Variants in LRMDA observed in about 807,000 individuals in gnomAD.
LRMDA encodes the protein leucine-rich melanocyte differentiation-associated protein.
In LRMDA, 18 loss-of-function variants were observed where a neutral mutation model predicts 29.8. The observed-to-expected ratio is 0.60, with a 90% CI of 0.42 to 0.90. LRMDA has a LOEUF of 0.90. LRMDA is among the 40% of genes least tolerant of loss of function. The pLI is 0.00. For missense variants in LRMDA, 273 were observed against 273.9 expected, an observed-to-expected ratio of 1.00 and a Z score of 0.02; for synonymous variants, 125 against 109.4, an observed-to-expected ratio of 1.14 and a Z score of -0.89.
intron 2 of LRMDA, among the ~76,000 whole-genome samples, chr10:75,958,455 C>T (rs995735127): frequency 6.6e-6 from 1 of 152,046 alleles, no homozygotes; most frequent in Non-Finnish European, 1.5e-5. Context: ...TTGATCATTG[C>T]AGGCATTTGT....
intron 2 of LRMDA, among the ~76,000 whole-genome samples, chr10:75,548,564 C>G (rs1422292618): frequency 6.6e-6 from 1 of 152,180 alleles, no homozygotes; most frequent in Non-Finnish European, 1.5e-5. Flanking sequence ...ATTTTCAGCA[C>G]AGGAGCCCCA....
chr10:75,579,599 C>T (rs1385437661), intron 2 of LRMDA, among the ~76,000 whole-genome samples: 2 of 152,176 alleles, frequency 1.3e-5, no homozygotes, highest in Admixed American at 6.5e-5. Context: ...CATACCAAAA[C>T]CTGGCAGAGA....
At chr10:76,049,985 G>T (rs1206573043) in intron 4 of LRMDA, among the ~76,000 whole-genome samples, 2 of 152,170 alleles carry the variant, frequency 1.3e-5, no homozygotes, top group Non-Finnish European at 2.9e-5. Context: ...AATACTAGGA[G>T]CCTTAAAGGA....
At position 75,676,974 on chromosome 10, in the gene LRMDA, A is replaced by T. The variant is rs535016453; in HGVS notation, c.131+238480A>T. 1.6e-3 allele frequency among the ~76,000 whole-genome samples: 248 copies of T among 152,264 alleles called. 1 individual carries two copies. The highest frequency in any genetic ancestry group is 2.7e-3 in the Non-Finnish European group (185 of 68,016). ...GGTACCACCAGGTCTACCCTTACTAATATTTTAATATTTATGGCATTAAAG... is the reference window on the plus strand; with the variant it reads ...GGTACCACCAGGTCTACCCTTACTATTATTTTAATATTTATGGCATTAAAG... On this transcript the variant is annotated intron_variant, in intron 2 of 6. Coordinates refer to ENST00000611255, the MANE Select transcript of LRMDA (RefSeq NM_001305581.2).
chr10:76,224,056 G>A (rs1001872081), intron 5 of LRMDA, among the ~76,000 whole-genome samples: 2 of 152,142 alleles, frequency 1.3e-5, no homozygotes. Context: ...AGTTGTGGCT[G>A]TGCCTCAGTA....
At chr10:76,392,162 C>G (rs10509372) in intron 6 of LRMDA, among the ~76,000 whole-genome samples, 19,740 of 151,846 alleles carry the variant, frequency 0.13, 2,476 homozygotes, top group African/African-American at 0.33. Context: ...TGATAATTTG[C>G]ATTAATATAT....
chr10:75,652,429 A>C (rs1841611501), intron 2 of LRMDA, among the ~76,000 whole-genome samples: 1 of 152,262 alleles, frequency 6.6e-6, no homozygotes, highest in Non-Finnish European at 1.5e-5. Context: ...GTCAGGGCAG[A>C]TAAACTTAGT....
intron 5 of LRMDA, among the ~76,000 whole-genome samples, chr10:76,220,878 T>C (rs1186858545): frequency 6.6e-6 from 1 of 152,096 alleles, no homozygotes; most frequent in Non-Finnish European, 1.5e-5. Context: ...CTCAATAAAA[T>C]ACTGGCAAAC....
intron 2 of LRMDA, among the ~76,000 whole-genome samples, chr10:75,508,165 G>A (rs1466362750): frequency 6.6e-6 from 1 of 152,200 alleles, no homozygotes; most frequent in Non-Finnish European, 1.5e-5. Context: ...GCTCAGTAGT[G>A]TGAATTTATT....
chr10:75,827,142 T>C (rs887818249), intron 2 of LRMDA, among the ~76,000 whole-genome samples: 1 of 152,214 alleles, frequency 6.6e-6, no homozygotes, highest in African/African-American at 2.4e-5. Context: ...AATGTGATGA[T>C]TGCACATCGC....
chr10:75,922,375 G>A (rs1337326533), intron 2 of LRMDA, among the ~76,000 whole-genome samples: 1 of 152,188 alleles, frequency 6.6e-6, no homozygotes, highest in Non-Finnish European at 1.5e-5. Flanking sequence ...TTGCTTGATG[G>A]ACCATGGGCA....
chr10:76,452,992 A>T (rs1246423488), intron 6 of LRMDA, among the ~76,000 whole-genome samples: 2 of 152,222 alleles, frequency 1.3e-5, no homozygotes, highest in Non-Finnish European at 2.9e-5. Context: ...TAAGACTTCA[A>T]CAGTCATAGG....
intron 5 of LRMDA, among the ~76,000 whole-genome samples, chr10:76,138,535 A>G (rs954805653): frequency 5.3e-5 from 8 of 152,192 alleles, no homozygotes; most frequent in African/African-American, 1.7e-4. Flanking sequence ...ACCTTAAGTT[A>G]TATCTTAAAG....
intron 2 of LRMDA, among the ~76,000 whole-genome samples, chr10:75,946,507 G>T (rs1846478806): frequency 6.6e-6 from 1 of 152,174 alleles, no homozygotes; most frequent in South Asian, 2.1e-4. Context: ...GAAGAATAAT[G>T]CCAGATTCAT....
chr10:76,418,963 G>A (rs1842046531), intron 6 of LRMDA, among the ~76,000 whole-genome samples: 1 of 151,958 alleles, frequency 6.6e-6, no homozygotes, highest in Admixed American at 6.6e-5. Context: ...AGCAAATTTG[G>A]ACAGAAAATA....
intron 6 of LRMDA, among the ~76,000 whole-genome samples, chr10:76,414,646 C>G (rs1246970136): frequency 6.6e-6 from 1 of 152,162 alleles, no homozygotes; most frequent in Non-Finnish European, 1.5e-5. Flanking sequence ...ACTCAAGCAA[C>G]AGAGAAAAAT....
intron 5 of LRMDA, among the ~76,000 whole-genome samples, chr10:76,250,756 C>A (rs547976876): frequency 2.4e-4 from 36 of 152,276 alleles, no homozygotes; most frequent in African/African-American, 8.2e-4. Context: ...AAAATAGAGG[C>A]CTGTTTCCTG....
chr10:76,284,137 C>T (rs11001718), intron 5 of LRMDA, among the ~76,000 whole-genome samples: 6 of 152,042 alleles, frequency 3.9e-5, no homozygotes, highest in Non-Finnish European at 7.4e-5. Context: ...AACAATCATC[C>T]GAATATGTCC....
chr10:75,918,657 AT>A (rs1489302052), intron 2 of LRMDA, among the ~76,000 whole-genome samples: 7 of 152,240 alleles, frequency 4.6e-5, no homozygotes, highest in African/African-American at 1.7e-4. Flanking sequence ...TATATCAACT[AT>A]GATGCCTCCA....
Sources: gnomAD v4.1 joint callset for allele counts (sites outside exome capture counted in the v4.1 genomes callset) on GRCh38, gnomAD v4.1.1 for gene constraint, MANE v1.5 for transcripts, NCBI Gene and HGNC (gene_info 2026-07-23, HGNC 2026-07-21) for gene names.